Variants in RBFOX3 observed in about 807,000 individuals in gnomAD.
The protein encoded by RBFOX3 is RNA binding protein fox-1 homolog 3.
Under a neutral mutation model 48.7 loss-of-function variants are expected in RBFOX3, and 17 were observed. The observed-to-expected ratio is 0.35, with a 90% CI of 0.24 to 0.52. RBFOX3 has a LOEUF of 0.52. Among genes scored for constraint, RBFOX3 ranks in the 20% least tolerant of loss-of-function variants. RBFOX3 has a pLI of 0.94. For missense variants in RBFOX3, 382 were observed against 497.5 expected (o/e 0.77, Z 2.21); for synonymous variants, 212 against 209.5 (o/e 1.01, Z -0.10).
intron 3 of RBFOX3, among the ~76,000 whole-genome samples, chr17:79,301,574 G>A (rs533038732): frequency 7.9e-5 from 12 of 152,336 alleles, no homozygotes; most frequent in African/African-American, 2.2e-4. Flanking sequence ...CAGGGGAGGA[G>A]CACCTCGCTG....
chr17:79,567,001 A>T (rs1223666202), intron 1 of RBFOX3, among the ~76,000 whole-genome samples: 6 of 152,088 alleles, frequency 3.9e-5, no homozygotes, highest in African/African-American at 1.4e-4. Flanking sequence ...TCACCCTGCA[A>T]CCGAGGACTC....
At chr17:79,624,007 G>A in the RBFOX3 span, among the ~76,000 whole-genome samples, 4 of 152,102 alleles carry the variant, frequency 2.6e-5, no homozygotes, top group African/African-American at 9.7e-5. Flanking sequence ...GAAGAGGCCC[G>A]GAAACAGACC....
intron 2 of RBFOX3, among the ~76,000 whole-genome samples, chr17:79,433,724 C>G (rs545190575): frequency 6.6e-6 from 1 of 152,072 alleles, no homozygotes. Context: ...GCAGACCCCA[C>G]GAGCAAGGTG....
At chr17:79,216,664 A>G (rs959043957) in intron 4 of RBFOX3, among the ~76,000 whole-genome samples, 3 of 152,170 alleles carry the variant, frequency 2.0e-5, no homozygotes, top group Non-Finnish European at 4.4e-5. Flanking sequence ...ACAGGGTCAC[A>G]TGCCCACCCG....
intron 2 of RBFOX3, among the ~76,000 whole-genome samples, chr17:79,434,627 C>T (rs1208100429): frequency 6.6e-6 from 1 of 152,180 alleles, no homozygotes; most frequent in Non-Finnish European, 1.5e-5. Flanking sequence ...AACCCCAACA[C>T]ATTCTAGGTG....
At chr17:79,655,197 G>A in the RBFOX3 span, among the ~76,000 whole-genome samples, 13 of 152,256 alleles carry the variant, frequency 8.5e-5, no homozygotes, top group East Asian at 1.4e-3. Context: ...CCCTGCACCC[G>A]GACCAGCACG....
Position 79,390,196 on chromosome 17 carries a change from G to C in RBFOX3, c.-174-82372C>G, listed in dbSNP as rs925404780. On this transcript the variant is annotated intron_variant, in intron 2 of 14. Coordinates refer to ENST00000693108, the MANE Select transcript of RBFOX3 (RefSeq NM_001350451.2). The surrounding 1 kb of genome is among the most constrained non-coding windows in gnomAD (Gnocchi z 4.2). ...CAGAGTTCTGAGGTGTCCAACCTCC[G>C]GGACGCTGCACTGACTTTCAAGTGC... 6.6e-6 allele frequency among the ~76,000 whole-genome samples: 1 copy of C among 152,216 alleles called. No individual in the cohort carries two copies. Among genetic ancestry groups the C allele is most frequent in the Non-Finnish European group, 1.5e-5 (1 of 68,036 alleles).
chr17:79,152,019 A>G (rs1405179983), intron 4 of RBFOX3, among the ~76,000 whole-genome samples: 1 of 151,824 alleles, frequency 6.6e-6, no homozygotes, highest in Non-Finnish European at 1.5e-5. Flanking sequence ...GGAGAACGCT[A>G]AGAAATGGGG....
intron 1 of RBFOX3, among the ~76,000 whole-genome samples, chr17:79,550,471 T>C (rs1176266499): frequency 1.3e-5 from 2 of 152,028 alleles, no homozygotes; most frequent in African/African-American, 4.8e-5. Context: ...ACACGTCTAG[T>C]ACCCAAGCCT....
chr17:79,248,742 G>T (rs1803040134), intron 3 of RBFOX3, among the ~76,000 whole-genome samples: 1 of 152,192 alleles, frequency 6.6e-6, no homozygotes, highest in Non-Finnish European at 1.5e-5. Flanking sequence ...CACAGGTAAG[G>T]AGCTGAGGCA....
intron 3 of RBFOX3, among the ~76,000 whole-genome samples, chr17:79,251,848 G>A (rs1235252505): frequency 3.3e-5 from 5 of 152,114 alleles, no homozygotes; most frequent in African/African-American, 7.2e-5. Context: ...CTTCTCCCTC[G>A]GCTCCCCCAC....
intron 1 of RBFOX3, among the ~76,000 whole-genome samples, chr17:79,563,651 T>C (rs990108449): frequency 9.2e-5 from 14 of 152,236 alleles, no homozygotes; most frequent in African/African-American, 3.4e-4. Context: ...TTCCATATAC[T>C]AGAGGAGTAG....
At chr17:79,422,428 C>A (rs2066586772) in intron 2 of RBFOX3, among the ~76,000 whole-genome samples, 1 of 152,066 alleles carries the variant, frequency 6.6e-6, no homozygotes, top group African/African-American at 2.4e-5. Context: ...GCCGGTGCCT[C>A]CAGGAAGCCC....
At chr17:79,190,730 G>A (rs184408989) in intron 4 of RBFOX3, among the ~76,000 whole-genome samples, 9 of 152,334 alleles carry the variant, frequency 5.9e-5, no homozygotes, top group Admixed American at 2.6e-4. Context: ...TTGAAAGAGT[G>A]ACAAGGGGGA....
At chr17:79,169,597 A>G (rs1220137843) in intron 4 of RBFOX3, among the ~76,000 whole-genome samples, 1 of 152,196 alleles carries the variant, frequency 6.6e-6, no homozygotes, top group Non-Finnish European at 1.5e-5. Context: ...GAGAAACAGG[A>G]GGCGGCACCG....
At chr17:79,248,230 G>C (rs988703484) in intron 3 of RBFOX3, among the ~76,000 whole-genome samples, 1 of 152,036 alleles carries the variant, frequency 6.6e-6, no homozygotes, top group African/African-American at 2.4e-5. Context: ...GCTTTGTTTT[G>C]TGTGTGTGTG....
Position 79,090,897 on chromosome 17 carries a change from A to T in RBFOX3, c.1078-12T>A. The T allele has an allele frequency of 6.5e-7, 1 of 1,532,094 alleles. No homozygotes were observed. Among genetic ancestry groups the T allele is most frequent in the East Asian group, 2.5e-5 (1 of 40,534 alleles). 94.9% of individuals were successfully genotyped at this position (1,532,094 alleles called of 1,614,324 possible). On this transcript the variant is annotated splice_polypyrimidine_tract_variant and intron_variant, in intron 14 of 14. Coordinates refer to ENST00000693108, the MANE Select transcript of RBFOX3 (RefSeq NM_001350451.2). ...GGTGGAAGGTTTCACTACAACAGAA[A>T]CAGAAAGGCAGGACTTGCAGCTTCT...
chr17:79,481,952 C>T lies in RBFOX3; in HGVS notation c.-175+502G>A, dbSNP rs1224172271. On this transcript the variant is annotated intron_variant, in intron 2 of 14. Coordinates refer to ENST00000693108, the MANE Select transcript of RBFOX3 (RefSeq NM_001350451.2). This position sits in a 1 kb window ranked among gnomAD's most constrained non-coding sequence, Gnocchi z 5.4. ...ACCCTGTGGAGTCTGACGCTGACTC[C>T]GGCGGTTAGTGTCAGAGCTGAACGG... Among the ~76,000 whole-genome samples, 5 of 152,242 alleles carry T rather than the reference C, an allele frequency of 3.3e-5. No homozygotes were observed. The highest frequency in any genetic ancestry group is 1.9e-4 in the East Asian group (1 of 5,160).
At chr17:79,334,188 A>G (rs892024321) in intron 2 of RBFOX3, among the ~76,000 whole-genome samples, 1 of 152,016 alleles carries the variant, frequency 6.6e-6, no homozygotes, top group Admixed American at 6.5e-5. Context: ...CTAAATCACA[A>G]TCTTTAGCTT....
Sources: allele counts gnomAD v4.1 joint callset (sites outside exome capture counted in the v4.1 genomes callset), GRCh38; gene constraint gnomAD v4.1.1; non-coding constraint Gnocchi (gnomAD v3.1); transcripts MANE v1.5; gene names NCBI Gene and HGNC (gene_info 2026-07-23, HGNC 2026-07-21).